The following GARIN1B variants were observed in gnomAD, a reference collection of about 807,000 sequenced individuals.
GARIN1B encodes Golgi-associated RAB2 interactor protein 1B.
the GARIN1B span, among the ~76,000 whole-genome samples, chr7:128,722,483 A>C: frequency 2.0e-5 from 3 of 152,200 alleles, no homozygotes; most frequent in Non-Finnish European, 1.5e-5. Context: ...AGCACACTAT[A>C]GGATATTTCT....
the GARIN1B span, chr7:128,726,834 G>A: frequency 6.2e-7 from 1 of 1,613,972 alleles, no homozygotes; most frequent in Admixed American, 1.7e-5. Context: ...CGAGTTTCAG[G>A]AGCAGCAGAA....
chr7:128,725,081 G>C, the GARIN1B span: 1 of 242,902 alleles, frequency 4.1e-6, no homozygotes, highest in Non-Finnish European at 8.2e-6. Context: ...TTGTAAGTAA[G>C]CTCTCAATAA....
chr7:128,718,860 A>G, the GARIN1B span: 1 of 1,614,046 alleles, frequency 6.2e-7, no homozygotes, highest in Non-Finnish European at 8.5e-7. Context: ...GTGGAGCTCC[A>G]GGTATGTGAC....
chr7:128,727,093 C>G, the GARIN1B span, among the ~76,000 whole-genome samples: 1 of 152,192 alleles, frequency 6.6e-6, no homozygotes, highest in Non-Finnish European at 1.5e-5. Flanking sequence ...GTATTCTTTA[C>G]TTCATTTCTA....
At chr7:128,714,267 A>T in the GARIN1B span, 1 of 921,556 alleles carries the variant, frequency 1.1e-6, no homozygotes, top group Non-Finnish European at 1.7e-6. Context: ...TTGATGGTTA[A>T]TTCATTATGT....
At chr7:128,718,774 C>T in the GARIN1B span, 1 of 1,579,854 alleles carries the variant, frequency 6.3e-7, no homozygotes, top group African/African-American at 1.3e-5. Flanking sequence ...TTAACGAAGA[C>T]AGGGTCAGAT....
At chr7:128,715,249 A>C in the GARIN1B span, 2 of 1,421,254 alleles carry the variant, frequency 1.4e-6, no homozygotes, top group Non-Finnish European at 1.8e-6. Context: ...TAAGGCACAC[A>C]AGCTCTCTGG....
chr7:128,718,761 AT>A, the GARIN1B span: 1 of 1,561,036 alleles, frequency 6.4e-7, no homozygotes, highest in Non-Finnish European at 8.7e-7. Flanking sequence ...GACCTGCCTC[AT>A]TTTAACGAAG....
At chr7:128,717,036 AG>A in the GARIN1B span, 2 of 1,541,790 alleles carry the variant, frequency 1.3e-6, no homozygotes, top group Non-Finnish European at 1.8e-6. Context: ...AAGAGGGGTG[AG>A]GGGTGGATGC....
At chr7:128,730,867 G>A in the GARIN1B span, among the ~76,000 whole-genome samples, 6 of 151,986 alleles carry the variant, frequency 3.9e-5, no homozygotes, top group South Asian at 2.1e-4. Flanking sequence ...GTCTTGTCTC[G>A]AACTCTCGAC....
At chr7:128,712,646 A>G in the GARIN1B span, among the ~76,000 whole-genome samples, 5 of 152,206 alleles carry the variant, frequency 3.3e-5, no homozygotes, top group African/African-American at 1.2e-4. Context: ...CCTCAAACCA[A>G]AGGACAGTCA....
the GARIN1B span, chr7:128,723,450 C>T: frequency 4.5e-6 from 5 of 1,119,566 alleles, no homozygotes; most frequent in Non-Finnish European, 6.2e-6. Flanking sequence ...CGGTGGCTCA[C>T]GCCTGTATTC....
the GARIN1B span, among the ~76,000 whole-genome samples, chr7:128,709,748 C>T: frequency 2.9e-5 from 2 of 68,672 alleles, no homozygotes; most frequent in Non-Finnish European, 7.0e-5. Flanking sequence ...CTCTCTCTCT[C>T]TCTTTTTTTT....
At chr7:128,710,748 A>C in the GARIN1B span, among the ~76,000 whole-genome samples, 1 of 150,842 alleles carries the variant, frequency 6.6e-6, no homozygotes, top group African/African-American at 2.4e-5. Flanking sequence ...GCAATGACGC[A>C]ATCTGGGCTC....
chr7:128,731,333 G>A, the GARIN1B span: 1 of 604,680 alleles, frequency 1.7e-6, no homozygotes, highest in Middle Eastern at 2.7e-4. Context: ...TGCCAGAGCT[G>A]GCCTAGCAAG....
the GARIN1B span, among the ~76,000 whole-genome samples, chr7:128,711,963 C>T: frequency 6.6e-6 from 1 of 152,202 alleles, no homozygotes; most frequent in Admixed American, 6.5e-5. Flanking sequence ...ATCACTTGAA[C>T]CTGGGAGGCG....
chr7:128,726,155 T>C, the GARIN1B span, among the ~76,000 whole-genome samples: 1 of 152,196 alleles, frequency 6.6e-6, no homozygotes. Flanking sequence ...TCCAGTATCA[T>C]GGGAGCCTTA....
the GARIN1B span, among the ~76,000 whole-genome samples, chr7:128,716,318 C>T: frequency 6.6e-6 from 1 of 152,090 alleles, no homozygotes; most frequent in Non-Finnish European, 1.5e-5. Flanking sequence ...AGAGGACCTT[C>T]CTGTTCAGTG....
the GARIN1B span, chr7:128,718,889 C>A: frequency 3.7e-5 from 59 of 1,613,828 alleles, no homozygotes; most frequent in Non-Finnish European, 3.4e-6. Context: ...ACGCATCCTG[C>A]AGTTGAGGAC....
Sources: allele counts gnomAD v4.1 joint callset (sites outside exome capture counted in the v4.1 genomes callset), GRCh38; gene constraint gnomAD v4.1.1; transcripts MANE v1.5; gene names NCBI Gene and HGNC (gene_info 2026-07-23, HGNC 2026-07-21).